PSORS1C1: variants seen among roughly 807,000 people sequenced by gnomAD.
PSORS1C1 encodes the protein psoriasis susceptibility 1 candidate 1.
In PSORS1C1, 7 loss-of-function variants were observed where a neutral mutation model predicts 9.4. The ratio of observed to expected loss-of-function variants is 0.75; its 90% CI spans 0.42 to 1.40. PSORS1C1 has a LOEUF of 1.40. Among genes scored for constraint, PSORS1C1 ranks in the 40% most tolerant of loss-of-function variants. The pLI is 0.01. For synonymous variants in PSORS1C1, 63 were observed against 69.4 expected (o/e 0.91, Z 0.46); for missense variants, 146 against 178.1 (o/e 0.82, Z 1.02).
At chr6:31,137,875 T>A in intron 3 of PSORS1C1, 1 of 648,290 alleles carries the variant, frequency 1.5e-6, no homozygotes. Context: ...TTGGGAAGAA[T>A]TCACGGGGAA....
chr6:31,129,475 G>T (rs1414419586), intron 2 of PSORS1C1, 94 bp from the exon 3 acceptor site: 10 of 675,006 alleles, frequency 1.5e-5, no homozygotes, highest in Non-Finnish European at 2.4e-5. Context: ...GCCTGTTTGA[G>T]TGCCAAAATC....
intron 1 of PSORS1C1, among the ~76,000 whole-genome samples, chr6:31,121,147 C>T (rs960401132): frequency 6.9e-6 from 1 of 144,062 alleles, no homozygotes; most frequent in Non-Finnish European, 1.5e-5. Context: ...TTCTGGGGGC[C>T]TCTGGGGACG....
intron 1 of PSORS1C1, among the ~76,000 whole-genome samples, chr6:31,124,063 G>A (rs1165732120): frequency 6.6e-6 from 1 of 152,214 alleles, no homozygotes; most frequent in East Asian, 1.9e-4. Flanking sequence ...TGGTGTGGGA[G>A]AAGGGACAGG....
chr6:31,117,814 G>A (rs916891600), intron 1 of PSORS1C1: 4 of 454,596 alleles, frequency 8.8e-6, no homozygotes. Flanking sequence ...GAATATAAGA[G>A]GGGGCTGGGC....
chr6:31,139,522 C>A lies in PSORS1C1; in HGVS notation c.168-119C>A. On this transcript the variant is annotated intron_variant, in intron 5 of 5. Coordinates refer to ENST00000259881, the MANE Select transcript of PSORS1C1 (RefSeq NM_014068.3). This position sits in a 1 kb window ranked among gnomAD's most constrained non-coding sequence, Gnocchi z 5.2. Reference sequence around the variant, plus strand: ...GCAGCTGGGACAGTGTCAGCTACTACCCCAGCCTCCCCACTCACCCCCGCA... The same window carrying A: ...GCAGCTGGGACAGTGTCAGCTACTAACCCAGCCTCCCCACTCACCCCCGCA... The A allele has an allele frequency of 1.1e-6, 1 of 939,614 alleles. No homozygotes were observed. Among genetic ancestry groups the A allele is most frequent in the Non-Finnish European group, 1.6e-6 (1 of 629,070 alleles). The allele number at this position is 939,614 out of a possible 1,614,324, so 58.2% of individuals were successfully genotyped here.
chr6:31,131,806 G>A (rs553646726), intron 3 of PSORS1C1, among the ~76,000 whole-genome samples: 51 of 152,324 alleles, frequency 3.3e-4, no homozygotes, highest in African/African-American at 1.2e-3. Context: ...GAGAGCTTAA[G>A]CTGTAGAGCA....
At chr6:31,129,742 G>A (rs1772826176) in intron 3 of PSORS1C1, 97 bp downstream of exon 3, 1 of 748,456 alleles carries the variant, frequency 1.3e-6, no homozygotes, top group South Asian at 1.4e-5. Context: ...AGGAGAGAAG[G>A]AAGGGATACA....
chr6:31,139,651 G>A lies in PSORS1C1; in HGVS notation c.178G>A (p.Asp60Asn). 1.2e-6 allele frequency: 2 copies of A among 1,611,672 alleles called. No homozygotes were observed. Among genetic ancestry groups the A allele is most frequent in the Non-Finnish European group, 1.7e-6 (2 of 1,178,958 alleles). The change falls in exon 6 of 6, where the codon GAC becomes AAC. Residue 60 changes from aspartate (D) to asparagine (N), a missense_variant. Transcript: ENST00000259881. This position sits in a 1 kb window ranked among gnomAD's most constrained non-coding sequence, Gnocchi z 5.2. ...CATGTCCTTCTTCAGGCATGCAGGG[G>A]ACCTCCAAGCAATGATATCCAAGGA... is the stretch of plus-strand genomic sequence containing the variant. ...EPANHFWHAG[D>N]LQAMISKEFH... is the part of the protein sequence containing the mutation.
At chr6:31,132,589 C>G (rs111937492) in intron 3 of PSORS1C1, among the ~76,000 whole-genome samples, 7 of 151,954 alleles carry the variant, frequency 4.6e-5, no homozygotes, top group African/African-American at 1.7e-4. Flanking sequence ...ATGGCTCACA[C>G]CTGTAATCCC....
chr6:31,125,060 G>C (rs984862544), intron 1 of PSORS1C1, among the ~76,000 whole-genome samples: 1 of 152,218 alleles, frequency 6.6e-6, no homozygotes, highest in Admixed American at 6.5e-5. Flanking sequence ...TGAGAGTCAG[G>C]ACAGAAGTTC....
At chr6:31,137,894 T>G in intron 3 of PSORS1C1, 8 of 754,974 alleles carry the variant, frequency 1.1e-5, no homozygotes, top group Non-Finnish European at 1.4e-5. Flanking sequence ...AATCAGAGGG[T>G]GGAGAGGGCG....
chr6:31,117,111 GAAGCTGCTGCTGCTGAACTGA>G, intron 1 of PSORS1C1: 1 of 1,614,134 alleles, frequency 6.2e-7, no homozygotes. Context: ...TCCCTACTTG[GAAGCTGCTGCTGCTGAACTGA>G]AAGCTGCTGC....
Position 31,138,080 on chromosome 6 carries a change from A to G in PSORS1C1, c.14-350A>G, listed in dbSNP as rs766820765. On this transcript the variant is annotated intron_variant, in intron 3 of 5. Coordinates refer to ENST00000259881, the MANE Select transcript of PSORS1C1 (RefSeq NM_014068.3). ...CCGGCCAAGGGTCGTCAGGCCGGGG[A>G]GGTTGAGGAGGATCCGTTCTAGGCG... 30 of 1,568,650 alleles carry G rather than the reference A, an allele frequency of 1.9e-5. 1 individual carries two copies. The highest frequency in any genetic ancestry group is 2.0e-5 in the Non-Finnish European group (23 of 1,159,232).
At chr6:31,135,001 A>G (rs1460083331) in intron 3 of PSORS1C1, among the ~76,000 whole-genome samples, 1 of 151,868 alleles carries the variant, frequency 6.6e-6, no homozygotes, top group Non-Finnish European at 1.5e-5. Context: ...AATTTTCTGT[A>G]GAAACAGTTT....
rs1773342539 is a variant in PSORS1C1, at chr6:31,139,571, G to A, written c.168-70G>A. The A allele has an allele frequency of 1.1e-5, 16 of 1,520,634 alleles. No homozygotes were observed. The highest frequency in any genetic ancestry group is 1.2e-5 in the South Asian group (1 of 82,472). 94.2% of individuals were successfully genotyped at this position (1,520,634 alleles called of 1,614,324 possible). A position where few individuals can be genotyped will look rare whatever the true frequency, so the allele number is the denominator to read the frequency against. The stretch of plus-strand genomic sequence containing the variant: ...CACTGAAAGCTCCCCCTGGGGCTTC[G>A]TGCTTTCCTGGGCACTTCCCTTCCC... On this transcript the variant is annotated intron_variant, in intron 5 of 5. Coordinates refer to ENST00000259881, the MANE Select transcript of PSORS1C1 (RefSeq NM_014068.3). The surrounding 1 kb of genome is among the most constrained non-coding windows in gnomAD (Gnocchi z 5.2).
chr6:31,122,737 C>G (rs887078093), intron 1 of PSORS1C1, among the ~76,000 whole-genome samples: 2 of 152,174 alleles, frequency 1.3e-5, no homozygotes, highest in African/African-American at 4.8e-5. Flanking sequence ...CAAGATTGCA[C>G]CATTGCACTC....
chr6:31,120,503 A>T, intron 1 of PSORS1C1: 1 of 1,217,320 alleles, frequency 8.2e-7, no homozygotes, highest in African/African-American at 1.5e-5. Context: ...CCTGGGCAGG[A>T]GTCACTGTGG....
chr6:31,139,640 GGC>G lies in PSORS1C1; in HGVS notation c.168_169del (p.Trp56Ter). 6.2e-7 allele frequency: 1 copy of G among 1,610,524 alleles called. No individual in the cohort carries two copies. The highest frequency in any genetic ancestry group is 8.5e-7 in the Non-Finnish European group (1 of 1,178,064). On this transcript the variant is annotated stop_gained and frameshift_variant and splice_region_variant, in exon 6 of 6. Coordinates refer to ENST00000259881, the MANE Select transcript of PSORS1C1 (RefSeq NM_014068.3). LOFTEE classifies it low-confidence loss of function (END_TRUNC). The surrounding 1 kb of genome is among the most constrained non-coding windows in gnomAD (Gnocchi z 5.2). ...CTGCTCTCCACCATGTCCTTCTTCAGGCATGCAGGGGACCTCCAAGCAATGAT... is the reference window on the plus strand; with the variant it reads ...CTGCTCTCCACCATGTCCTTCTTCAGATGCAGGGGACCTCCAAGCAATGAT...
At chr6:31,124,928 A>G (rs1233505520) in intron 1 of PSORS1C1, among the ~76,000 whole-genome samples, 1 of 151,962 alleles carries the variant, frequency 6.6e-6, no homozygotes, top group African/African-American at 2.4e-5. Context: ...ATTTCATGCC[A>G]CTGCACTCCA....
Sources: allele counts gnomAD v4.1 joint callset (sites outside exome capture counted in the v4.1 genomes callset), GRCh38; gene constraint gnomAD v4.1.1; non-coding constraint Gnocchi (gnomAD v3.1); transcripts MANE v1.5; gene names NCBI Gene and HGNC (gene_info 2026-07-23, HGNC 2026-07-21).